IMMP2L: variants seen among roughly 807,000 people sequenced by gnomAD.
IMMP2L encodes mitochondrial inner membrane protease subunit 2.
Under a neutral mutation model 19.3 loss-of-function variants are expected in IMMP2L, and 18 were observed. The ratio of observed to expected loss-of-function variants is 0.93; its 90% CI spans 0.64 to 1.38. The LOEUF (loss-of-function observed/expected upper bound fraction) is 1.38. Ranked by LOEUF, IMMP2L falls within the 40% of genes most tolerant of loss-of-function variation. IMMP2L has a pLI of 0.00. For missense variants in IMMP2L, 233 were observed against 218.2 expected (o/e 1.07, Z -0.43); for synonymous variants, 76 against 73.0 (o/e 1.04, Z -0.21).
intron 3 of IMMP2L, among the ~76,000 whole-genome samples, chr7:111,334,724 T>C (rs1289004375): frequency 6.6e-6 from 1 of 152,100 alleles, no homozygotes; most frequent in African/African-American, 2.4e-5. Context: ...TTCCAGGGAA[T>C]TTAGCTCCCT....
intron 3 of IMMP2L, among the ~76,000 whole-genome samples, chr7:111,003,520 T>A (rs1460003094): frequency 6.7e-6 from 1 of 150,124 alleles, no homozygotes; most frequent in Non-Finnish European, 1.5e-5. Flanking sequence ...TCAGATAGAT[T>A]TTTTTTTTTG....
chr7:111,219,840 A>G (rs1303353742), intron 3 of IMMP2L, among the ~76,000 whole-genome samples: 2 of 152,096 alleles, frequency 1.3e-5, no homozygotes, highest in East Asian at 1.9e-4. Flanking sequence ...TCAATAAATT[A>G]ATGGAAGTAA....
At chr7:111,559,275 A>C (rs1791740808) in intron 1 of IMMP2L, among the ~76,000 whole-genome samples, 1 of 152,208 alleles carries the variant, frequency 6.6e-6, no homozygotes, top group South Asian at 2.1e-4. Context: ...ATACACAGCT[A>C]AGCTGTATAT....
intron 1 of IMMP2L, among the ~76,000 whole-genome samples, chr7:111,526,587 C>T (rs760850064): frequency 1.8e-4 from 27 of 152,146 alleles, no homozygotes; most frequent in Non-Finnish European, 3.2e-4. Context: ...ACACTCTCAC[C>T]CCAATCTCTG....
chr7:111,210,900 G>C (rs1383248663), intron 3 of IMMP2L, among the ~76,000 whole-genome samples: 1 of 152,126 alleles, frequency 6.6e-6, no homozygotes. Context: ...CAGCAGTGTA[G>C]ATAAGGATAA....
chr7:110,847,191 A>G (rs1805752504), intron 5 of IMMP2L, among the ~76,000 whole-genome samples: 1 of 152,214 alleles, frequency 6.6e-6, no homozygotes, highest in Non-Finnish European at 1.5e-5. Context: ...ATTCTAATAA[A>G]TTAAAGTTAC....
chr7:110,975,307 C>A lies in IMMP2L; in HGVS notation c.240-11742G>T, dbSNP rs539301354. 2.0e-5 allele frequency among the ~76,000 whole-genome samples: 3 copies of A among 152,198 alleles called. No homozygotes were observed. The East Asian group carries it at 5.8e-4, about 29-fold the overall frequency. On this transcript the variant is annotated intron_variant, in intron 3 of 5. Transcript: ENST00000405709. ...TATAACTACCCTTCTAAATTAATAT[C>A]TCATTTGAAATAGTTCCCAAAAATC...
At chr7:111,444,526 G>A (rs967182585) in intron 3 of IMMP2L, among the ~76,000 whole-genome samples, 8 of 152,086 alleles carry the variant, frequency 5.3e-5, no homozygotes, top group South Asian at 2.1e-4. Flanking sequence ...TTATAACAGC[G>A]TCTAGCATTG....
intron 3 of IMMP2L, among the ~76,000 whole-genome samples, chr7:111,328,233 A>AC (rs1378310204): frequency 6.6e-6 from 1 of 151,726 alleles, no homozygotes. Flanking sequence ...GTTCTTTTCC[A>AC]CCCAGTGGCA....
Position 110,817,409 on chromosome 7 carries a change from T to C in IMMP2L, c.408+69184A>G, listed in dbSNP as rs1442067999. On this transcript the variant is annotated intron_variant, in intron 5 of 5. Coordinates refer to ENST00000405709, the MANE Select transcript of IMMP2L (RefSeq NM_032549.4). ...ACCTAGGAATCCAACTTACAAGGGA[T>C]GTGAAGGACCTCTTCAAGGAGAACT... Among the ~76,000 whole-genome samples, 7 of 152,092 alleles carry C rather than the reference T, an allele frequency of 4.6e-5. No homozygotes were observed. In the South Asian group the frequency reaches 1.0e-3, roughly 23 times the overall value.
chr7:110,887,302 A>G (rs1292188793), intron 4 of IMMP2L, among the ~76,000 whole-genome samples: 1 of 152,144 alleles, frequency 6.6e-6, no homozygotes, highest in African/African-American at 2.4e-5. Flanking sequence ...ACAATTGTGA[A>G]GACTAAAGAT....
chr7:110,671,609 GAC>G (rs1232051897), intron 5 of IMMP2L, among the ~76,000 whole-genome samples: 1 of 152,136 alleles, frequency 6.6e-6, no homozygotes, highest in Non-Finnish European at 1.5e-5. Flanking sequence ...GCATCTGGTA[GAC>G]ACAGTCTTCA....
At chr7:111,117,251 G>C (rs543158230) in intron 3 of IMMP2L, among the ~76,000 whole-genome samples, 117 of 152,150 alleles carry the variant, frequency 7.7e-4, no homozygotes, top group African/African-American at 2.6e-3. Flanking sequence ...AGACACCTTT[G>C]GAAAAAATCT....
At chr7:111,509,542 G>A (rs1428546148) in intron 2 of IMMP2L, among the ~76,000 whole-genome samples, 1 of 152,118 alleles carries the variant, frequency 6.6e-6, no homozygotes, top group Admixed American at 6.6e-5. Flanking sequence ...CACAACCAAT[G>A]AGTGAGTCAG....
intron 5 of IMMP2L, among the ~76,000 whole-genome samples, chr7:110,819,295 C>T (rs567287539): frequency 6.6e-5 from 10 of 151,850 alleles, no homozygotes; most frequent in African/African-American, 2.2e-4. Context: ...TGGGGAGGTT[C>T]GGAGGCTGGG....
intron 3 of IMMP2L, among the ~76,000 whole-genome samples, chr7:111,184,604 C>T (rs1450281308): frequency 6.6e-6 from 1 of 151,880 alleles, no homozygotes; most frequent in Non-Finnish European, 1.5e-5. Flanking sequence ...GCAGTTCTTC[C>T]CACCCCACCT....
chr7:111,034,414 C>T (rs574401509), intron 3 of IMMP2L, among the ~76,000 whole-genome samples: 1 of 152,094 alleles, frequency 6.6e-6, no homozygotes, highest in East Asian at 1.9e-4. Flanking sequence ...TTCAGAGAAA[C>T]CTTGCAAAGA....
intron 5 of IMMP2L, among the ~76,000 whole-genome samples, chr7:110,831,177 G>A (rs1803941484): frequency 6.6e-6 from 1 of 151,900 alleles, no homozygotes; most frequent in African/African-American, 2.4e-5. Context: ...CCTTAAAGTT[G>A]GCAACAGTGG....
chr7:111,351,294 G>A (rs569687628), intron 3 of IMMP2L, among the ~76,000 whole-genome samples: 5 of 152,258 alleles, frequency 3.3e-5, no homozygotes, highest in East Asian at 1.9e-4. Context: ...GGGTTCAAGC[G>A]ATTCTCCTGC....
Sources: allele counts gnomAD v4.1 joint callset (sites outside exome capture counted in the v4.1 genomes callset), GRCh38; gene constraint gnomAD v4.1.1; transcripts MANE v1.5; gene names NCBI Gene and HGNC (gene_info 2026-07-23, HGNC 2026-07-21).